ITGB6: variants seen among roughly 807,000 people sequenced by gnomAD.
The protein encoded by ITGB6 is integrin subunit beta 6, also known as integrin beta-6.
In ITGB6, 80 loss-of-function variants were observed where a neutral mutation model predicts 84.5. The observed-to-expected ratio is 0.95, with a 90% CI of 0.79 to 1.14. The LOEUF (loss-of-function observed/expected upper bound fraction) is 1.14, where lower values mean the gene tolerates loss of function less well. Among genes scored for constraint, ITGB6 ranks in the 50% most tolerant of loss-of-function variants. ITGB6 has a pLI of 0.00. For synonymous variants in ITGB6, 383 were observed against 354.9 expected (o/e 1.08, Z -0.89); for missense variants, 1,006 against 968.0 (o/e 1.04, Z -0.52).
intron 8 of ITGB6, among the ~76,000 whole-genome samples, chr2:160,140,171 T>C (rs945055100): frequency 6.6e-6 from 1 of 152,196 alleles, no homozygotes; most frequent in Non-Finnish European, 1.5e-5. Flanking sequence ...GAAAAATAAT[T>C]TGAACTAGTG....
chr2:160,133,166 C>G (rs1036648893), intron 10 of ITGB6, among the ~76,000 whole-genome samples: 2 of 152,074 alleles, frequency 1.3e-5, no homozygotes, highest in African/African-American at 4.8e-5. Context: ...ATTCAGGAAA[C>G]CCATCTCACT....
chr2:160,133,791 G>A (rs140945654), intron 10 of ITGB6, among the ~76,000 whole-genome samples: 1 of 152,264 alleles, frequency 6.6e-6, no homozygotes, highest in African/African-American at 2.4e-5. Context: ...TGAACAACCT[G>A]CAACTGAATG....
intron 8 of ITGB6, among the ~76,000 whole-genome samples, chr2:160,141,544 G>C (rs1007233826): frequency 1.1e-4 from 16 of 152,122 alleles, no homozygotes; most frequent in Admixed American, 3.3e-4. Context: ...TGGTGTTTTG[G>C]TGGATAGCCA....
intron 8 of ITGB6, among the ~76,000 whole-genome samples, chr2:160,140,766 T>C (rs1683969576): frequency 6.6e-6 from 1 of 152,166 alleles, no homozygotes; most frequent in African/African-American, 2.4e-5. Context: ...AACAAAACCA[T>C]CATCTTATAA....
chr2:160,172,568 C>A lies in ITGB6; in HGVS notation c.921+1G>T, dbSNP rs779595303. The A allele has an allele frequency of 1.9e-6, 3 of 1,597,146 alleles. No individual in the cohort carries two copies. Among genetic ancestry groups the A allele is most frequent in the Non-Finnish European group, 2.6e-6 (3 of 1,165,886 alleles). On this transcript the variant is annotated splice_donor_variant, in intron 6 of 14. Coordinates refer to ENST00000283249, the MANE Select transcript of ITGB6 (RefSeq NM_000888.5). LOFTEE classifies it high-confidence loss of function. ...AACAGTACAGAGTGCAGGTTACACACCAAGACAGTTGACATGGAGTATTCA... is the reference window on the plus strand; with the variant it reads ...AACAGTACAGAGTGCAGGTTACACAACAAGACAGTTGACATGGAGTATTCA...
intron 1 of ITGB6, 51 bp from the exon 2 acceptor site, chr2:160,199,309 C>A (rs1054011165): frequency 5.1e-6 from 7 of 1,379,062 alleles, no homozygotes; most frequent in South Asian, 1.2e-5. Context: ...TTCAGTCATT[C>A]CATTTATGAG....
intron 4 of ITGB6, among the ~76,000 whole-genome samples, chr2:160,192,986 T>C (rs1686200334): frequency 6.6e-6 from 1 of 152,060 alleles, no homozygotes; most frequent in Non-Finnish European, 1.5e-5. Context: ...ACTGACAACA[T>C]CAAGTGTCAG....
chr2:160,113,232 C>T (rs548489848), intron 12 of ITGB6, among the ~76,000 whole-genome samples: 2 of 152,294 alleles, frequency 1.3e-5, no homozygotes, highest in South Asian at 4.1e-4. Flanking sequence ...GACTTATAAC[C>T]TCTCCCATTA....
intron 10 of ITGB6, among the ~76,000 whole-genome samples, chr2:160,126,967 G>A (rs1377925259): frequency 1.3e-5 from 2 of 152,130 alleles, no homozygotes; most frequent in Admixed American, 6.5e-5. Flanking sequence ...TGGGTGGTCC[G>A]ACATGCCTTA....
At chr2:160,176,465 GTTTAAC>G (rs1430140133) in intron 4 of ITGB6, among the ~76,000 whole-genome samples, 1 of 152,070 alleles carries the variant, frequency 6.6e-6, no homozygotes, top group Non-Finnish European at 1.5e-5. Flanking sequence ...TAATTATTAT[GTTTAAC>G]TTTAACTCTC....
At chr2:160,108,299 A>C (rs1211293151) in intron 13 of ITGB6, among the ~76,000 whole-genome samples, 2 of 149,412 alleles carry the variant, frequency 1.3e-5, no homozygotes, top group South Asian at 2.1e-4. Context: ...AATCATGGGG[A>C]GTCTAGAAGA....
rs1467490258 is a variant in ITGB6, at chr2:160,178,738, C to A, written c.594-4599G>T. On this transcript the variant is annotated intron_variant, in intron 4 of 14. Transcript: ENST00000283249. ...ACAGGGTCTCCCTCTGTAGCCCAGG[C>A]TGGAATGCGGTTGTGGTGGCACAAT... is the stretch of plus-strand genomic sequence containing the variant. Among the ~76,000 whole-genome samples, 6 of 136,274 alleles carry A rather than the reference C, an allele frequency of 4.4e-5. 1 individual carries two copies. The South Asian group carries it at 1.4e-3, about 31-fold the overall frequency. 89.4% of individuals were successfully genotyped at this position (136,274 alleles called of 152,430 possible).
Position 160,172,637 on chromosome 2 carries a change from T to C in ITGB6, c.853A>G (p.Ile285Val). The C allele has an allele frequency of 6.2e-7, 1 of 1,612,374 alleles. No individual in the cohort carries two copies. Among genetic ancestry groups the C allele is most frequent in the Non-Finnish European group, 8.5e-7 (1 of 1,178,490 alleles). Reference sequence around the variant, plus strand: ...CAGAGCCCGTCATTAGGAATGACGATGCCTGCTAGTTTGCTGTCCATTCCA... The same window carrying C: ...CAGAGCCCGTCATTAGGAATGACGACGCCTGCTAGTTTGCTGTCCATTCCA... Reference protein sequence around the residue: ...HFGMDSKLAGIVIPNDGLCHL... With the variant: ...HFGMDSKLAGVVIPNDGLCHL... Residue 285 changes from isoleucine (I) to valine (V), a missense_variant, in exon 6 of 15, where the codon ATC becomes GTC. Ile to Val is a conservative substitution (Grantham distance 29). Coordinates refer to ENST00000283249, the MANE Select transcript of ITGB6 (RefSeq NM_000888.5).
chr2:160,122,633 C>T (rs965168682), intron 12 of ITGB6, among the ~76,000 whole-genome samples: 1 of 152,146 alleles, frequency 6.6e-6, no homozygotes, highest in South Asian at 2.1e-4. Context: ...AAGGCGCACA[C>T]CATTTTGTCC....
At chr2:160,164,478 G>C (rs1398903527) in intron 7 of ITGB6, among the ~76,000 whole-genome samples, 1 of 152,090 alleles carries the variant, frequency 6.6e-6, no homozygotes, top group East Asian at 1.9e-4. Flanking sequence ...GTTCACATGA[G>C]GCCAGGAGTT....
intron 7 of ITGB6, among the ~76,000 whole-genome samples, chr2:160,167,143 C>T (rs1456786569): frequency 2.0e-5 from 3 of 152,234 alleles, no homozygotes; most frequent in Admixed American, 6.5e-5. Flanking sequence ...TCAGTAGCTA[C>T]GTTCCTTATA....
intron 12 of ITGB6, among the ~76,000 whole-genome samples, chr2:160,118,548 A>C (rs925495277): frequency 6.6e-6 from 1 of 152,102 alleles, no homozygotes; most frequent in Non-Finnish European, 1.5e-5. Context: ...ACAAACACAC[A>C]GCCAATATCA....
intron 7 of ITGB6, among the ~76,000 whole-genome samples, chr2:160,163,712 T>C (rs1559178614): frequency 6.6e-6 from 1 of 152,296 alleles, no homozygotes; most frequent in Admixed American, 6.5e-5. Context: ...GCAGGTTCAA[T>C]TGTGAGTTAT....
intron 2 of ITGB6, 142 bp downstream of exon 2, chr2:160,199,037 T>A: frequency 1.6e-6 from 1 of 615,438 alleles, no homozygotes; most frequent in East Asian, 2.8e-5. Flanking sequence ...GATCTACCAA[T>A]GCTCACCTTC....
Sources: gnomAD v4.1 joint callset for allele counts (sites outside exome capture counted in the v4.1 genomes callset) on GRCh38, gnomAD v4.1.1 for gene constraint, MANE v1.5 for transcripts, NCBI Gene and HGNC (gene_info 2026-07-23, HGNC 2026-07-21) for gene names.